Variants in PAPPA2 observed in about 807,000 individuals in gnomAD.
The protein encoded by PAPPA2 is pappalysin-2.
PAPPA2 carries 86 observed loss-of-function variants against 176.4 expected under a neutral mutation model. The observed-to-expected ratio is 0.49, with a 90% CI of 0.41 to 0.58. The LOEUF is 0.58. Among genes scored for constraint, PAPPA2 ranks in the 20% least tolerant of loss-of-function variants. The probability of loss-of-function intolerance (pLI) is 0.00; values close to 1 mark genes in which losing one functional copy is unlikely to be tolerated. For missense variants in PAPPA2, 2,073 were observed against 2,256.9 expected, an observed-to-expected ratio of 0.92 and a Z score of 1.65; for synonymous variants, 809 against 852.2, an observed-to-expected ratio of 0.95 and a Z score of 0.88.
At chr1:176,801,589 TG>T (rs956787886) in intron 21 of PAPPA2, among the ~76,000 whole-genome samples, 2 of 150,994 alleles carry the variant, frequency 1.3e-5, no homozygotes, top group Non-Finnish European at 2.9e-5. Context: ...CAGATGGCAG[TG>T]GGGTGGGGAC....
chr1:176,607,994 G>A (rs1351297789), intron 3 of PAPPA2, among the ~76,000 whole-genome samples: 1 of 152,176 alleles, frequency 6.6e-6, no homozygotes, highest in East Asian at 1.9e-4. Flanking sequence ...CCACAAACAA[G>A]TATGAGTGAA....
rs1353105494 is a variant in PAPPA2, at chr1:176,692,280, C to T, written c.2586C>T (p.Ile862=). ...GACAGACCAACAAGTCCCTCACTAT[C>T]CACTGGCTGCCTCCTATTAGTGGAG... ...VIGQTNKSLT[I]HWLPPISGVV... Residue 862 remains isoleucine, a synonymous_variant, in exon 6 of 23, where the codon ATC becomes ATT. Coordinates refer to ENST00000367662, the MANE Select transcript of PAPPA2 (RefSeq NM_020318.3). 1 of 1,613,920 alleles carries T rather than the reference C, an allele frequency of 6.2e-7. No homozygotes were observed. Among genetic ancestry groups the T allele is most frequent in the Non-Finnish European group, 8.5e-7 (1 of 1,179,834 alleles).
At chr1:176,761,154 C>T (rs534639705) in intron 14 of PAPPA2, among the ~76,000 whole-genome samples, 1 of 152,200 alleles carries the variant, frequency 6.6e-6, no homozygotes, top group East Asian at 1.9e-4. Flanking sequence ...AACACAATGA[C>T]ATTGGAAGTG....
chr1:176,740,126 T>C lies in PAPPA2; in HGVS notation c.4081T>C (p.Ser1361Pro). The C allele has an allele frequency of 6.2e-7, 1 of 1,613,878 alleles. No individual in the cohort carries two copies. The highest frequency in any genetic ancestry group is 8.5e-7 in the Non-Finnish European group (1 of 1,179,862). The change falls in exon 14 of 23, where the codon TCC becomes CCC. Residue 1361 changes from serine to proline, a missense_variant. By Grantham distance (74) the Ser-to-Pro change is moderately conservative. Coordinates refer to ENST00000367662, the MANE Select transcript of PAPPA2 (RefSeq NM_020318.3). ...CTCAGCTGTGGCTCTAAGGACATCC[T>C]CCCGCATTGGTCTTTCGGCTCCCAG... is the stretch of plus-strand genomic sequence containing the variant. ...GISAVALRTS[S>P]RIGLSAPSNC...
chr1:176,731,337 T>C (rs756877945), intron 12 of PAPPA2, among the ~76,000 whole-genome samples: 3 of 152,108 alleles, frequency 2.0e-5, no homozygotes, highest in Non-Finnish European at 4.4e-5. Context: ...TCTCACTTTG[T>C]TGCCCAGGTT....
chr1:176,703,985 TG>T (rs11324372), intron 9 of PAPPA2, among the ~76,000 whole-genome samples: 122,853 of 151,958 alleles, frequency 0.81, 49,867 homozygotes, highest in East Asian at 0.98. Context: ...GTTAATGTGC[TG>T]GGGGGGGTGG....
chr1:176,536,087 TC>T (rs1448626879), intron 1 of PAPPA2, among the ~76,000 whole-genome samples: 2 of 152,164 alleles, frequency 1.3e-5, no homozygotes, highest in Non-Finnish European at 2.9e-5. Flanking sequence ...CCTGTGAGGT[TC>T]CCCTGTCACG....
chr1:176,476,304 C>G (rs935491849), intron 1 of PAPPA2, among the ~76,000 whole-genome samples: 5 of 152,136 alleles, frequency 3.3e-5, no homozygotes, highest in Admixed American at 3.3e-4. Flanking sequence ...GAACAGAGAC[C>G]TTGCATCTAG....
chr1:176,718,709 A>T (rs10798478), intron 12 of PAPPA2, among the ~76,000 whole-genome samples: 33,154 of 138,656 alleles, frequency 0.24, 4,174 homozygotes, highest in African/African-American at 0.37. Flanking sequence ...TTTTTTTTTT[A>T]AAAAAAAAAA....
At chr1:176,699,730 G>A (rs1443885404) in intron 8 of PAPPA2, 141 bp downstream of exon 8, 1 of 1,360,466 alleles carries the variant, frequency 7.4e-7, no homozygotes, top group African/African-American at 1.5e-5. Context: ...CCGTAAAGTG[G>A]CATATCTGAG....
chr1:176,629,875 A>C (rs1229118147), intron 3 of PAPPA2, among the ~76,000 whole-genome samples: 1 of 152,118 alleles, frequency 6.6e-6, no homozygotes, highest in Non-Finnish European at 1.5e-5. Context: ...CCAGACTAGG[A>C]AGAAGGGGAG....
At chr1:176,541,553 G>C (rs1318367725) in intron 1 of PAPPA2, among the ~76,000 whole-genome samples, 1 of 152,174 alleles carries the variant, frequency 6.6e-6, no homozygotes, top group Admixed American at 6.5e-5. Context: ...TTCCTCTAGT[G>C]CATAGATAGT....
Position 176,765,836 on chromosome 1 carries a change from A to G in PAPPA2, c.4322A>G (p.Gln1441Arg). 6.2e-7 allele frequency: 1 copy of G among 1,613,462 alleles called. No individual in the cohort carries two copies. The highest frequency in any genetic ancestry group is 2.2e-5 in the East Asian group (1 of 44,844). The change falls in exon 15 of 23, where the codon CAG (glutamine) becomes CGG (arginine). Residue 1441 changes from glutamine (Q) to arginine (R), a missense_variant and splice_region_variant. This residue lies in a region of PAPPA2 where 846 missense variants were observed against 857.9 expected (regional missense o/e 0.99). Coordinates refer to ENST00000367662, the MANE Select transcript of PAPPA2 (RefSeq NM_020318.3). ...ASSGQYIRPM[Q>R]KEILLTCSSG... Reference sequence around the variant, plus strand: ...AGTGGGCAGTACATCAGGCCCATGCAGGTGAGTTGAAAGAACACTATCACC... The same window carrying G: ...AGTGGGCAGTACATCAGGCCCATGCGGGTGAGTTGAAAGAACACTATCACC...
At chr1:176,650,874 G>A (rs1458968255) in intron 3 of PAPPA2, among the ~76,000 whole-genome samples, 1 of 151,386 alleles carries the variant, frequency 6.6e-6, no homozygotes, top group East Asian at 1.9e-4. Flanking sequence ...TCTATTATAG[G>A]CTTTTGTGTT....
At position 176,481,003 on chromosome 1, in the gene PAPPA2, G is replaced by A. The variant is rs1652368199; in HGVS notation, c.-917+17585G>A. Among the ~76,000 whole-genome samples, 4 of 152,178 alleles carry A rather than the reference G, an allele frequency of 2.6e-5. No individual in the cohort carries two copies. In the South Asian group the frequency reaches 8.3e-4, roughly 32 times the overall value. On this transcript the variant is annotated intron_variant, in intron 1 of 22. Coordinates refer to ENST00000367662, the MANE Select transcript of PAPPA2 (RefSeq NM_020318.3). ...CTCCACCCCACAGCGCTTTCCTCTT[G>A]TCACCTCGTTCTGCCCTTGGCCTAC... is the stretch of plus-strand genomic sequence containing the variant.
intron 20 of PAPPA2, among the ~76,000 whole-genome samples, chr1:176,796,605 C>G (rs1665438209): frequency 2.7e-5 from 1 of 37,330 alleles, no homozygotes; most frequent in Non-Finnish European, 4.5e-5. Context: ...TCTTTCTTTT[C>G]TTTTCTTTTC....
chr1:176,799,605 T>C (rs1487107112), intron 20 of PAPPA2, among the ~76,000 whole-genome samples: 10 of 152,222 alleles, frequency 6.6e-5, no homozygotes, highest in Admixed American at 3.9e-4. Context: ...GGTCCACATT[T>C]AGTTGAAGAA....
At chr1:176,535,615 G>A (rs1197916335) in intron 1 of PAPPA2, among the ~76,000 whole-genome samples, 2 of 152,168 alleles carry the variant, frequency 1.3e-5, no homozygotes, top group South Asian at 4.1e-4. Context: ...CAGAGGAAGA[G>A]GGTGCAGTGT....
chr1:176,648,600 A>G (rs1254221184), intron 3 of PAPPA2, among the ~76,000 whole-genome samples: 1 of 151,624 alleles, frequency 6.6e-6, no homozygotes, highest in Admixed American at 6.6e-5. Flanking sequence ...ATTTTAAGGT[A>G]TGTTCCTACT....
Sources: allele counts gnomAD v4.1 joint callset (sites outside exome capture counted in the v4.1 genomes callset), GRCh38; gene constraint gnomAD v4.1.1; regional missense constraint gnomAD v4.1.1; transcripts MANE v1.5; gene names NCBI Gene and HGNC (gene_info 2026-07-23, HGNC 2026-07-21).